Variants in UPF3B observed in about 807,000 individuals in gnomAD.
UPF3B encodes regulator of nonsense transcripts 3B.
A neutral mutation model predicts 40.3 loss-of-function variants in UPF3B; 7 were observed. The observed-to-expected ratio is 0.17, with a 90% CI of 0.10 to 0.33. UPF3B has a LOEUF of 0.33. Ranked by LOEUF, UPF3B falls within the 10% of genes least tolerant of loss-of-function variation. The probability of loss-of-function intolerance (pLI) is 1.00; values close to 1 mark genes in which losing one functional copy is unlikely to be tolerated. For synonymous variants in UPF3B, 117 were observed against 117.3 expected (o/e 1.00, Z 0.01); for missense variants, 229 against 358.9 (o/e 0.64, Z 2.93).
downstream of UPF3B, among the ~76,000 whole-genome samples, chrX:119,830,405 GCACT>G (rs993539024): frequency 2.7e-5 from 3 of 110,128 alleles, no homozygotes; most frequent in African/African-American, 9.9e-5. Context: ...CCTCCTCCCC[GCACT>G]CACTCTCTTG....
At chrX:119,846,097 G>A (rs1482984469) in intron 3 of UPF3B, among the ~76,000 whole-genome samples, 1 of 110,642 alleles carries the variant, frequency 9.0e-6, no homozygotes, top group Non-Finnish European at 1.9e-5. Flanking sequence ...ATTTTGGGAG[G>A]CCGAGATGAG....
chrX:119,814,367 A>G (rs1020960752), intron 5 of UPF3B, among the ~76,000 whole-genome samples: 3 of 112,511 alleles, frequency 2.7e-5, no homozygotes, highest in African/African-American at 9.7e-5. Flanking sequence ...ATAAGCAAAT[A>G]AAAAACTAAA....
At chrX:119,843,069 C>T (rs1354040105) in intron 5 of UPF3B, 122 bp downstream of exon 5, 27 of 513,797 alleles carry the variant, frequency 5.3e-5, no homozygotes, top group Non-Finnish European at 8.7e-5. Context: ...CTGCAATTTA[C>T]AGTAACAGTC....
intron 2 of UPF3B, 78 bp downstream of exon 2, chrX:119,851,689 T>G (rs1287235518): frequency 2.1e-6 from 2 of 955,139 alleles, no homozygotes; most frequent in East Asian, 7.2e-5. Flanking sequence ...AGCTCAAAAA[T>G]CAAATGAAAA....
At chrX:119,820,277 T>A (rs2055902993) in intron 4 of UPF3B, among the ~76,000 whole-genome samples, 1 of 111,670 alleles carries the variant, frequency 9.0e-6, no homozygotes, top group African/African-American at 3.2e-5. Flanking sequence ...CTGAGAAGTT[T>A]GGACTACAGG....
intron 8 of UPF3B, among the ~76,000 whole-genome samples, chrX:119,839,236 C>G (rs182368602): frequency 6.2e-5 from 7 of 112,164 alleles, no homozygotes; most frequent in African/African-American, 1.9e-4. Context: ...TTATGTAGTA[C>G]TTGGAATGAC....
At chrX:119,827,522 C>T (rs1040507797) in intron 3 of UPF3B, among the ~76,000 whole-genome samples, 1 of 110,379 alleles carries the variant, frequency 9.1e-6, no homozygotes, top group African/African-American at 3.3e-5. Flanking sequence ...CCTCAGCCTC[C>T]TGAGTAGCTG....
Position 119,834,607 on chromosome X carries a change from T to G in UPF3B, c.*271A>C. 1 of 1,019,368 alleles carries G rather than the reference T, an allele frequency of 9.8e-7. No homozygotes were observed. Among genetic ancestry groups the G allele is most frequent in the Non-Finnish European group, 1.2e-6 (1 of 801,194 alleles). 84.0% of individuals were successfully genotyped at this position (1,019,368 alleles called of 1,213,427 possible). A position where few individuals can be genotyped will look rare whatever the true frequency, so the allele number is the denominator to read the frequency against. Reference sequence around the variant, plus strand: ...GAAGTCCTCACTTGACAATTCCCCCTGCAAATTGCAATGCATGTCCTTGCC... The same window carrying G: ...GAAGTCCTCACTTGACAATTCCCCCGGCAAATTGCAATGCATGTCCTTGCC... On this transcript the variant is annotated 3_prime_UTR_variant, in exon 11 of 11. Transcript: ENST00000276201.
chrX:119,836,694 G>A lies in UPF3B; in HGVS notation c.1302+1063C>T, dbSNP rs768292176. Among the ~76,000 whole-genome samples, 36 of 99,984 alleles carry A rather than the reference G, an allele frequency of 3.6e-4. No homozygotes were observed. In the East Asian group the frequency reaches 3.9e-3, roughly 11 times the overall value. The allele number at this position is 99,984 out of a possible 115,157, so 86.8% of individuals were successfully genotyped here. A position where few individuals can be genotyped will look rare whatever the true frequency, so the allele number is the denominator to read the frequency against. ...GAGACAGAGTCTCGCTCTGTTGCCC[G>A]TGCTGGAGTGCAGTGACGCGATCTC... On this transcript the variant is annotated intron_variant, in intron 10 of 10. Coordinates refer to ENST00000276201, the MANE Select transcript of UPF3B (RefSeq NM_080632.3).
At chrX:119,827,186 C>G (rs2055987432) in intron 3 of UPF3B, among the ~76,000 whole-genome samples, 1 of 111,002 alleles carries the variant, frequency 9.0e-6, no homozygotes, top group Non-Finnish European at 1.9e-5. Context: ...GTTTCCTAAT[C>G]TTAAAAAATC....
intron 4 of UPF3B, among the ~76,000 whole-genome samples, chrX:119,821,360 G>A (rs755270765): frequency 4.4e-5 from 5 of 112,802 alleles, no homozygotes; most frequent in East Asian, 2.8e-4. Flanking sequence ...ATGCAAGAAC[G>A]GCCTAATACA....
At chrX:119,808,169 C>T (rs1203119003) in intron 5 of UPF3B, among the ~76,000 whole-genome samples, 2 of 111,562 alleles carry the variant, frequency 1.8e-5, no homozygotes, top group African/African-American at 6.5e-5. Flanking sequence ...GATGAGCCAC[C>T]GTGCCTGGCC....
At chrX:119,826,284 C>T (rs1234932455) in intron 3 of UPF3B, among the ~76,000 whole-genome samples, 5 of 110,598 alleles carry the variant, frequency 4.5e-5, no homozygotes, top group Admixed American at 9.7e-5. Flanking sequence ...AGTTTGAGAC[C>T]GGCCTCGCCA....
At chrX:119,851,431 C>T (rs1368895258) in intron 3 of UPF3B, 64 bp downstream of exon 3, 3 of 821,972 alleles carry the variant, frequency 3.6e-6, no homozygotes, top group African/African-American at 2.0e-5. Flanking sequence ...ACGCAATGCA[C>T]GAGTTGTCTT....
chrX:119,829,342 GAT>G (rs1344948569), downstream of UPF3B, among the ~76,000 whole-genome samples: 1 of 112,174 alleles, frequency 8.9e-6, no homozygotes, highest in Non-Finnish European at 1.9e-5. Context: ...ATTATACTTT[GAT>G]ATGTTAAGGA....
In UPF3B at chrX:119,843,014, C is replaced by T. The variant is rs35033211; in HGVS notation, c.580+177G>A. The stretch of plus-strand genomic sequence containing the variant: ...AACTAAATAGGTCAAAGAATTTTTC[C>T]CACTTTAATGGATTCTCATAATGCT... On this transcript the variant is annotated intron_variant, in intron 5 of 10. Transcript: ENST00000276201. 0.017 allele frequency among the ~76,000 whole-genome samples: 1,907 copies of T among 111,567 alleles called. 44 individuals are homozygous for T. Among genetic ancestry groups the T allele is most frequent in the African/African-American group, 0.059 (1,810 of 30,701 alleles).
intron 1 of UPF3B, among the ~76,000 whole-genome samples, 175 bp downstream of exon 1, chrX:119,852,598 G>C (rs754485411): frequency 8.9e-6 from 1 of 112,606 alleles, no homozygotes; most frequent in East Asian, 2.8e-4. Context: ...GGATTTGGCC[G>C]GGAGGGGCTC....
At chrX:119,806,437 A>G (rs2055792144) in intron 6 of UPF3B, among the ~76,000 whole-genome samples, 1 of 105,784 alleles carries the variant, frequency 9.5e-6, no homozygotes, top group Admixed American at 1.0e-4. Context: ...TACATATGTA[A>G]CTAACCTGCA....
At chrX:119,849,893 T>C (rs1233708133) in intron 3 of UPF3B, among the ~76,000 whole-genome samples, 2 of 109,985 alleles carry the variant, frequency 1.8e-5, no homozygotes, top group African/African-American at 6.6e-5. Flanking sequence ...AACAATAAAA[T>C]CCAGCCTGGG....
Sources: allele counts gnomAD v4.1 joint callset (sites outside exome capture counted in the v4.1 genomes callset), GRCh38; gene constraint gnomAD v4.1.1; transcripts MANE v1.5; gene names NCBI Gene and HGNC (gene_info 2026-07-23, HGNC 2026-07-21).